Variants in GDI2 observed in about 807,000 individuals in gnomAD.
The protein encoded by GDI2 is rab GDP dissociation inhibitor beta.
GDI2 carries 22 observed loss-of-function variants against 54.2 expected under a neutral mutation model. The ratio of observed to expected loss-of-function variants is 0.41; its 90% CI spans 0.29 to 0.58. The LOEUF is 0.58. GDI2 is among the 20% of genes least tolerant of loss of function. GDI2 has a pLI of 0.35. For missense variants in GDI2, 422 were observed against 546.0 expected (o/e 0.77, Z 2.26); for synonymous variants, 177 against 182.1 (o/e 0.97, Z 0.23).
At chr10:5,806,277 T>C (rs1841378316) in intron 1 of GDI2, among the ~76,000 whole-genome samples, 1 of 152,060 alleles carries the variant, frequency 6.6e-6, no homozygotes, top group Non-Finnish European at 1.5e-5. Flanking sequence ...TTTTAAATAG[T>C]TGATTAATGA....
chr10:5,787,588 T>C (rs1040441883), intron 4 of GDI2, among the ~76,000 whole-genome samples: 2 of 152,176 alleles, frequency 1.3e-5, no homozygotes, highest in African/African-American at 2.4e-5. Flanking sequence ...CAATTCAGCC[T>C]TTTAAATGGA....
At chr10:5,781,236 T>C (rs1840746744) in intron 6 of GDI2, among the ~76,000 whole-genome samples, 1 of 145,318 alleles carries the variant, frequency 6.9e-6, no homozygotes, top group Non-Finnish European at 1.5e-5. Context: ...TCAAGATGAA[T>C]CAGATTTAAA....
chr10:5,790,368 G>A (rs1481903404), intron 4 of GDI2, among the ~76,000 whole-genome samples: 2 of 152,212 alleles, frequency 1.3e-5, no homozygotes, highest in Admixed American at 1.3e-4. Flanking sequence ...ACAAGGCCAG[G>A]TGCGGTGGCT....
At chr10:5,793,078 T>C (rs984843289) in intron 4 of GDI2, among the ~76,000 whole-genome samples, 1 of 152,144 alleles carries the variant, frequency 6.6e-6, no homozygotes, top group African/African-American at 2.4e-5. Flanking sequence ...CACTGCAGCT[T>C]TGATTTCCTG....
chr10:5,794,345 T>C (rs1223540277), intron 4 of GDI2, among the ~76,000 whole-genome samples: 3 of 151,022 alleles, frequency 2.0e-5, no homozygotes, highest in East Asian at 1.9e-4. Flanking sequence ...TTGGGTAATA[T>C]AGCGTAGGGT....
chr10:5,766,655 C>G lies in GDI2; in HGVS notation c.992-17G>C, dbSNP rs1254884007. 1.2e-6 allele frequency: 2 copies of G among 1,609,312 alleles called. No individual in the cohort carries two copies. Among genetic ancestry groups the G allele is most frequent in the Admixed American group, 1.7e-5 (1 of 59,988 alleles). ...CGTAGATATCTAGAAACAAATGATA[C>G]CAGCTCACTGCCTCAAGTGTCTCCA... On this transcript the variant is annotated splice_polypyrimidine_tract_variant and intron_variant, in intron 8 of 10. Transcript: ENST00000380191. The surrounding 1 kb of genome is among the most constrained non-coding windows in gnomAD (Gnocchi z 5.8).
chr10:5,765,353 C>T lies in GDI2; in HGVS notation c.*653G>A, dbSNP rs559848003. The T allele has an allele frequency of 1.3e-5, 2 of 152,710 alleles. No homozygotes were observed. Among genetic ancestry groups the T allele is most frequent in the East Asian group, 1.9e-4 (1 of 5,206 alleles). 9.5% of individuals were successfully genotyped at this position (152,710 alleles called of 1,614,324 possible). A position where few individuals can be genotyped will look rare whatever the true frequency, so the allele number is the denominator to read the frequency against. On this transcript the variant is annotated 3_prime_UTR_variant, in exon 11 of 11. Transcript: ENST00000380191. Reference sequence around the variant, plus strand: ...CACTGAAGAAGCCACGCCTGAGATACAAAAGATGCACTACACTTGACCCGC... The same window carrying T: ...CACTGAAGAAGCCACGCCTGAGATATAAAAGATGCACTACACTTGACCCGC...
In GDI2 at chr10:5,766,270, C is replaced by G; in HGVS notation, c.1162G>C (p.Val388Leu). 3.1e-6 allele frequency: 5 copies of G among 1,613,520 alleles called. No homozygotes were observed. Among genetic ancestry groups the G allele is most frequent in the Non-Finnish European group, 4.2e-6 (5 of 1,179,428 alleles). The part of the protein sequence containing the change: ...QKFVSISDLL[V>L]PKDLGTESQI... Reference sequence around the variant, plus strand: ...CTTTCTGTTCCCAAGTCTTTTGGTACCAGGAGGTCACTGATGCTAACAAAT... The same window carrying G: ...CTTTCTGTTCCCAAGTCTTTTGGTAGCAGGAGGTCACTGATGCTAACAAAT... The change falls in exon 10 of 11, where the codon GTA becomes CTA. Residue 388 changes from valine to leucine, a missense_variant. By Grantham distance (32) the Val-to-Leu change is conservative (BLOSUM62 1). Transcript: ENST00000380191. This position sits in a 1 kb window ranked among gnomAD's most constrained non-coding sequence, Gnocchi z 5.8.
In GDI2 at chr10:5,792,648, C is replaced by A. The variant is rs1317312490; in HGVS notation, c.388+2237G>T. 6.0e-5 allele frequency among the ~76,000 whole-genome samples: 9 copies of A among 150,518 alleles called. No individual in the cohort carries two copies. The East Asian group carries it at 1.8e-3, about 29-fold the overall frequency. On this transcript the variant is annotated intron_variant, in intron 4 of 10. Coordinates refer to ENST00000380191, the MANE Select transcript of GDI2 (RefSeq NM_001494.4). ...TGTACATAAATTATACCTCAATAAACCTAGCCTTAAAAATATATACAGAAG... is the reference window on the plus strand; with the variant it reads ...TGTACATAAATTATACCTCAATAAAACTAGCCTTAAAAATATATACAGAAG...
chr10:5,806,918 C>T (rs986399413), intron 1 of GDI2, among the ~76,000 whole-genome samples: 1 of 152,118 alleles, frequency 6.6e-6, no homozygotes, highest in Non-Finnish European at 1.5e-5. Context: ...TCACACTAAG[C>T]ATGACCCACT....
chr10:5,796,120 C>A (rs971437948), intron 3 of GDI2, among the ~76,000 whole-genome samples: 5 of 152,010 alleles, frequency 3.3e-5, no homozygotes, highest in African/African-American at 1.2e-4. Context: ...GAGGCTGAGG[C>A]GAGCAGGTCA....
intron 4 of GDI2, among the ~76,000 whole-genome samples, 182 bp from the exon 5 acceptor site, chr10:5,786,232 G>A (rs1201315515): frequency 2.3e-5 from 3 of 132,226 alleles, no homozygotes; most frequent in East Asian, 2.3e-4. Context: ...GTGCAATGAC[G>A]CAATCTCAGC....
At chr10:5,781,726 C>G (rs1267621849) in intron 6 of GDI2, among the ~76,000 whole-genome samples, 1 of 150,724 alleles carries the variant, frequency 6.6e-6, no homozygotes, top group Non-Finnish European at 1.5e-5. Flanking sequence ...AAATGTAACA[C>G]TTCTAGGCCA....
At chr10:5,785,343 T>G (rs117323923) in intron 5 of GDI2, 70 bp from the exon 6 acceptor site, 37,308 of 1,167,136 alleles carry the variant, frequency 0.032, 725 homozygotes, top group Non-Finnish European at 0.04. Context: ...TTATAATTTT[T>G]TTTGAAGCGA....
At chr10:5,795,154 A>G in intron 3 of GDI2, 135 bp from the exon 4 acceptor site, 1 of 622,824 alleles carries the variant, frequency 1.6e-6, no homozygotes. Context: ...TTTGAGACAC[A>G]GTCTCCCTCT....
Position 5,785,868 on chromosome 10 carries a change from G to A in GDI2, c.571C>T (p.Leu191Phe). ...VIDFTGHALA[L>F]YRTDDYLDQP... ...AATACTTACTCATCAGTTCTGTAAA[G>A]TGCAAGAGCATGACCAGTAAAATCT... The change falls in exon 5 of 11, where the codon CTT (leucine) becomes TTT (phenylalanine). Residue 191 changes from leucine to phenylalanine, a missense_variant. Coordinates refer to ENST00000380191, the MANE Select transcript of GDI2 (RefSeq NM_001494.4). 6.2e-7 allele frequency: 1 copy of A among 1,601,046 alleles called. No individual in the cohort carries two copies. Among genetic ancestry groups the A allele is most frequent in the Non-Finnish European group, 8.6e-7 (1 of 1,168,602 alleles).
intron 6 of GDI2, among the ~76,000 whole-genome samples, chr10:5,783,384 T>C (rs935561178): frequency 1.3e-5 from 2 of 152,214 alleles, no homozygotes; most frequent in Non-Finnish European, 2.9e-5. Context: ...ACTTGGTTGA[T>C]GAGTTCTTAT....
At chr10:5,788,957 G>C (rs2131702134) in intron 4 of GDI2, among the ~76,000 whole-genome samples, 1 of 152,150 alleles carries the variant, frequency 6.6e-6, no homozygotes, top group Admixed American at 6.5e-5. Context: ...AGTAGAGATG[G>C]GGTTTCACCA....
intron 1 of GDI2, chr10:5,811,988 C>G (rs1841486998): frequency 1.6e-6 from 1 of 626,024 alleles, no homozygotes; most frequent in South Asian, 1.9e-5. Flanking sequence ...TTGGTTTGAC[C>G]CTGAGAGATT....
Sources: gnomAD v4.1 joint callset for allele counts (sites outside exome capture counted in the v4.1 genomes callset) on GRCh38, gnomAD v4.1.1 for gene constraint, Gnocchi (gnomAD v3.1) non-coding constraint, MANE v1.5 for transcripts, NCBI Gene and HGNC (gene_info 2026-07-23, HGNC 2026-07-21) for gene names.